Variants in F13A1 observed in about 807,000 individuals in gnomAD.
F13A1 encodes the protein FSF, A subunit.
Under a neutral mutation model 80.1 loss-of-function variants are expected in F13A1, and 47 were observed. That is an observed-to-expected ratio of 0.59 (90% CI 0.46 to 0.75). The LOEUF is 0.75. Among genes scored for constraint, F13A1 ranks in the 30% least tolerant of loss-of-function variants. The probability of loss-of-function intolerance (pLI) is 0.00; values close to 1 mark genes in which losing one functional copy is unlikely to be tolerated. For missense variants in F13A1, 817 were observed against 930.4 expected (o/e 0.88, Z 1.59); for synonymous variants, 349 against 344.9 (o/e 1.01, Z -0.13).
At chr6:6,283,520 TA>T (rs1758094574) in intron 3 of F13A1, among the ~76,000 whole-genome samples, 1 of 152,208 alleles carries the variant, frequency 6.6e-6, no homozygotes, top group South Asian at 2.1e-4. Context: ...ACAACTCTAA[TA>T]ACGGTTCTGG....
At chr6:6,266,841 G>A (rs752963010) in intron 3 of F13A1, 32 bp from the exon 4 acceptor site, 12 of 1,613,892 alleles carry the variant, frequency 7.4e-6, no homozygotes, top group Non-Finnish European at 1.0e-5. Context: ...ACTCTGTTAG[G>A]TTGATTTCAC....
chr6:6,221,926 A>G (rs1757200715), intron 8 of F13A1, 107 bp downstream of exon 8: 2 of 1,299,438 alleles, frequency 1.5e-6, no homozygotes, highest in Admixed American at 3.5e-5. Flanking sequence ...GTGCTGTTGA[A>G]TGGTCCTCAA....
intron 2 of F13A1, among the ~76,000 whole-genome samples, chr6:6,317,052 C>T (rs1173368360): frequency 6.6e-6 from 1 of 152,172 alleles, no homozygotes. Context: ...GTTCTTACTG[C>T]CCACTTCTTC....
chr6:6,222,469 G>A (rs544015842), intron 7 of F13A1, among the ~76,000 whole-genome samples: 6 of 152,130 alleles, frequency 3.9e-5, no homozygotes, highest in Non-Finnish European at 7.3e-5. Flanking sequence ...CATCAACGTA[G>A]TATTATTTTA....
intron 3 of F13A1, among the ~76,000 whole-genome samples, chr6:6,287,174 G>C (rs1758150351): frequency 6.6e-6 from 1 of 152,166 alleles, no homozygotes; most frequent in African/African-American, 2.4e-5. Flanking sequence ...TTTTAGATTA[G>C]AGACTCAAGA....
Position 6,210,324 on chromosome 6 carries a change from G to GATAT in F13A1, c.1112+11705_1112+11708dup, listed in dbSNP as rs34960466. Among the ~76,000 whole-genome samples, 743 of 82,868 alleles carry GATAT rather than the reference G, an allele frequency of 9.0e-3. 66 individuals are homozygous for GATAT. Among genetic ancestry groups the GATAT allele is most frequent in the African/African-American group, 0.026 (513 of 20,062 alleles). The allele number at this position is 82,868 out of a possible 152,430, so 54.4% of individuals were successfully genotyped here. The stretch of plus-strand genomic sequence containing the variant: ...GAATTTTGTAAATTTTGTAGCATGT[G>GATAT]ATATATATATATATATATATATATT... On this transcript the variant is annotated intron_variant, in intron 8 of 14. Coordinates refer to ENST00000264870, the MANE Select transcript of F13A1 (RefSeq NM_000129.4).
In F13A1 at chr6:6,190,533, C is replaced by T. The variant is rs185880997; in HGVS notation, c.1305+5264G>A. Among the ~76,000 whole-genome samples the T allele has an allele frequency of 2.6e-5, 4 of 151,244 alleles. No individual in the cohort carries two copies. In the East Asian group the frequency reaches 5.9e-4, roughly 22 times the overall value. On this transcript the variant is annotated intron_variant, in intron 10 of 14. Transcript: ENST00000264870. ...TGGGGGGTGCCTCCCAGTTAGGCTG[C>T]TCGGGGGTCAGGGGTCAGGGACCCA...
At chr6:6,227,717 T>C (rs369939425) in intron 6 of F13A1, among the ~76,000 whole-genome samples, 10 of 152,276 alleles carry the variant, frequency 6.6e-5, no homozygotes, top group African/African-American at 1.9e-4. Context: ...GTGGTCCTGA[T>C]AACTGATTTT....
chr6:6,282,046 G>T (rs979056294), intron 3 of F13A1, among the ~76,000 whole-genome samples: 2 of 151,632 alleles, frequency 1.3e-5, no homozygotes, highest in African/African-American at 2.4e-5. Flanking sequence ...ATGAATCAGG[G>T]GTCACCATAG....
intron 8 of F13A1, chr6:6,206,413 T>C (rs989739086): frequency 2.4e-5 from 11 of 464,450 alleles, no homozygotes; most frequent in Non-Finnish European, 3.5e-5. Flanking sequence ...ATATGGAGTG[T>C]TTTCTATGTG....
At chr6:6,309,940 T>C (rs1438411725) in intron 2 of F13A1, among the ~76,000 whole-genome samples, 1 of 152,216 alleles carries the variant, frequency 6.6e-6, no homozygotes, top group Non-Finnish European at 1.5e-5. Context: ...CAAGCAGCTC[T>C]ACCTACAAGG....
intron 10 of F13A1, among the ~76,000 whole-genome samples, chr6:6,194,090 T>C (rs1761248237): frequency 6.6e-6 from 1 of 152,226 alleles, no homozygotes; most frequent in African/African-American, 2.4e-5. Flanking sequence ...GCCATTTGTC[T>C]AGCTCATGCC....
chr6:6,253,222 G>A (rs1023529169), intron 4 of F13A1, among the ~76,000 whole-genome samples: 4 of 149,442 alleles, frequency 2.7e-5, no homozygotes, highest in Non-Finnish European at 5.9e-5. Context: ...AAGAAAGATT[G>A]AAGGACTTGC....
In F13A1 at chr6:6,158,307, C is replaced by T. The variant is rs183570227; in HGVS notation, c.1909-6358G>A. Among the ~76,000 whole-genome samples the T allele has an allele frequency of 3.4e-3, 521 of 152,232 alleles. 4 individuals are homozygous for T. Among genetic ancestry groups the T allele is most frequent in the African/African-American group, 0.011 (477 of 41,538 alleles). On this transcript the variant is annotated intron_variant, in intron 13 of 14. Coordinates refer to ENST00000264870, the MANE Select transcript of F13A1 (RefSeq NM_000129.4). The stretch of plus-strand genomic sequence containing the variant: ...CAAGCTGGATGCAGGGGCTGAAGAC[C>T]GGGGCTGCCACTTTGAGTTTTTAGA...
chr6:6,160,315 G>A (rs553756776), intron 13 of F13A1, among the ~76,000 whole-genome samples: 1 of 149,608 alleles, frequency 6.7e-6, no homozygotes, highest in Non-Finnish European at 1.5e-5. Context: ...TCTCACTGTT[G>A]AATTTTTCTC....
At chr6:6,316,315 T>A (rs965931779) in intron 2 of F13A1, among the ~76,000 whole-genome samples, 3 of 151,418 alleles carry the variant, frequency 2.0e-5, no homozygotes, top group South Asian at 2.1e-4. Context: ...ACTAGAGCTA[T>A]GAGTCATTCA....
At chr6:6,178,234 T>G (rs1760918842) in intron 11 of F13A1, among the ~76,000 whole-genome samples, 1 of 152,098 alleles carries the variant, frequency 6.6e-6, no homozygotes, top group Non-Finnish European at 1.5e-5. Flanking sequence ...ATAGCAGTAG[T>G]ATGGCAGGAA....
At position 6,266,509 on chromosome 6, in the gene F13A1, G is replaced by A. The variant is rs368154155; in HGVS notation, c.571+49C>T. 6.8e-5 allele frequency: 109 copies of A among 1,613,932 alleles called. No homozygotes were observed. In the Admixed American group the frequency reaches 7.3e-4, roughly 11 times the overall value. ...GTATAGGCATGTGCCATGGCACCCC[G>A]CCAAATAGGTGAATTTTTAAATGAG... On this transcript the variant is annotated intron_variant, in intron 4 of 14. Coordinates refer to ENST00000264870, the MANE Select transcript of F13A1 (RefSeq NM_000129.4).
Position 6,316,077 on chromosome 6 carries a change from GCATATATATATATATATATA to G in F13A1, c.130+2438_130+2457del, listed in dbSNP as rs1207833861. 2.4e-4 allele frequency among the ~76,000 whole-genome samples: 12 copies of G among 49,648 alleles called. 1 individual carries two copies. The South Asian group carries it at 5.7e-3, about 23-fold the overall frequency. The allele number at this position is 49,648 out of a possible 152,430, so 32.6% of individuals were successfully genotyped here. A position where few individuals can be genotyped will look rare whatever the true frequency, so the allele number is the denominator to read the frequency against. On this transcript the variant is annotated intron_variant, in intron 2 of 14. Coordinates refer to ENST00000264870, the MANE Select transcript of F13A1 (RefSeq NM_000129.4). ...GGTTTGTGTGCTGCTATGTGTGTGT[GCATATATATATATATATATA>G]TATATATATATATATATATATATAT...
Sources: allele counts gnomAD v4.1 joint callset (sites outside exome capture counted in the v4.1 genomes callset), GRCh38; gene constraint gnomAD v4.1.1; transcripts MANE v1.5; gene names NCBI Gene and HGNC (gene_info 2026-07-23, HGNC 2026-07-21).